CYFIP1: variants seen among roughly 807,000 people sequenced by gnomAD.
CYFIP1 encodes cytoplasmic FMR1 interacting protein 1, also known as cytoplasmic FMR1-interacting protein 1.
A neutral mutation model predicts 163.5 loss-of-function variants in CYFIP1; 58 were observed. That is an observed-to-expected ratio of 0.35 (90% confidence interval 0.29 to 0.44). CYFIP1 has a LOEUF of 0.44. Ranked by LOEUF, CYFIP1 falls within the 20% of genes least tolerant of loss-of-function variation. CYFIP1 has a pLI of 1.00. For missense variants in CYFIP1, 1,338 were observed against 1,653.8 expected (o/e 0.81, Z 3.31); for synonymous variants, 663 against 660.7 (o/e 1.00, Z -0.05).
chr15:22,917,126 G>A lies in CYFIP1; in HGVS notation c.1675-496C>T, dbSNP rs1281897172. ...GGACACGGGACGCACGCAGAGGGAG[G>A]CAGGGAGGGTGGCTGGCACCACGCA... On this transcript the variant is annotated intron_variant, in intron 15 of 30. Transcript: ENST00000617928. This position sits in a 1 kb window ranked among gnomAD's most constrained non-coding sequence, Gnocchi z 4.2. 19 of 1,446,110 alleles carry A rather than the reference G, an allele frequency of 1.3e-5. No individual in the cohort carries two copies. The highest frequency in any genetic ancestry group is 1.7e-5 in the Non-Finnish European group (19 of 1,105,612). The allele number at this position is 1,446,110 out of a possible 1,614,324, so 89.6% of individuals were successfully genotyped here. A position where few individuals can be genotyped will look rare whatever the true frequency, so the allele number is the denominator to read the frequency against.
Position 22,881,850 on chromosome 15 carries a change from A to G in CYFIP1, c.2907T>C (p.Ser969=). The G allele has an allele frequency of 6.2e-7, 1 of 1,610,644 alleles. No homozygotes were observed. The highest frequency in any genetic ancestry group is 8.5e-7 in the Non-Finnish European group (1 of 1,179,892). ...ICRLPRHEYG[S]PGILEFFHHQ... is the part of the protein sequence containing the mutation. Reference sequence around the variant, plus strand: ...GCTCCACACGCCCGCACTCACCAGGAGAGCCGTACTCGTGCCGGGGCAGGC... The same window carrying G: ...GCTCCACACGCCCGCACTCACCAGGGGAGCCGTACTCGTGCCGGGGCAGGC... The change falls in exon 25 of 31, where the codon TCT becomes TCC. Residue 969 remains serine (S), a synonymous_variant. Transcript: ENST00000617928.
intron 1 of CYFIP1, among the ~76,000 whole-genome samples, chr15:22,969,354 A>AG (rs1567046602): frequency 6.6e-6 from 1 of 152,178 alleles, no homozygotes; most frequent in Admixed American, 6.5e-5. Context: ...ATAAAGTTGG[A>AG]GGGGGAGCGA....
At chr15:22,943,430 T>C in intron 5 of CYFIP1, 76 bp from the exon 6 acceptor site, 2 of 1,446,126 alleles carry the variant, frequency 1.4e-6, no homozygotes, top group Admixed American at 1.9e-5. Context: ...TTCAAGCACC[T>C]GCAGTCACTG....
At chr15:22,929,167 C>T (rs2061452045) in intron 11 of CYFIP1, among the ~76,000 whole-genome samples, 1 of 151,232 alleles carries the variant, frequency 6.6e-6, no homozygotes. Flanking sequence ...TTGCAGTGAG[C>T]CAAGATCCCG....
chr15:22,881,999 C>A lies in CYFIP1; in HGVS notation c.2821-63G>T. On this transcript the variant is annotated intron_variant, in intron 24 of 30. Transcript: ENST00000617928. ...ACTCCGCTCTGCTAACGCCTGTGGC[C>A]GGCGCATACCCTGAAACAAGTCTGT... 4 of 1,413,818 alleles carry A rather than the reference C, an allele frequency of 2.8e-6. No homozygotes were observed. The Admixed American group carries it at 7.1e-5, about 25-fold the overall frequency. The allele number at this position is 1,413,818 out of a possible 1,614,324, so 87.6% of individuals were successfully genotyped here. A position where few individuals can be genotyped will look rare whatever the true frequency, so the allele number is the denominator to read the frequency against.
intron 1 of CYFIP1, among the ~76,000 whole-genome samples, chr15:22,958,402 C>T (rs1221576349): frequency 1.3e-5 from 2 of 152,176 alleles, no homozygotes; most frequent in African/African-American, 4.8e-5. Context: ...ACAAAAACTT[C>T]AAATTCCATC....
At position 22,944,600 on chromosome 15, in the gene CYFIP1, C is replaced by T. The variant is rs745452225; in HGVS notation, c.345G>A (p.Leu115=). 1 of 1,613,800 alleles carries T rather than the reference C, an allele frequency of 6.2e-7. No homozygotes were observed. Among genetic ancestry groups the T allele is most frequent in the Admixed American group, 1.7e-5 (1 of 59,984 alleles). ...TCATCAGTTTTGTGACCTCAGGCTC[C>T]AGAACCTCCACGGTTTTCTCGTAGA... ...VEIYEKTVEV[L]EPEVTKLMNF... is the part of the protein sequence containing the mutation. Residue 115 remains leucine (L), a synonymous_variant, in exon 5 of 31, where the codon CTG becomes CTA. Coordinates refer to ENST00000617928, the MANE Select transcript of CYFIP1 (RefSeq NM_014608.6).
At chr15:22,900,471 T>A (rs2060361519) in intron 22 of CYFIP1, among the ~76,000 whole-genome samples, 1 of 150,394 alleles carries the variant, frequency 6.6e-6, no homozygotes. Flanking sequence ...CAATCTCGGC[T>A]CACTGCAACC....
At chr15:22,954,378 C>T (rs1229809448) in intron 1 of CYFIP1, among the ~76,000 whole-genome samples, 1 of 152,220 alleles carries the variant, frequency 6.6e-6, no homozygotes, top group African/African-American at 2.4e-5. Flanking sequence ...CGGAGTCACC[C>T]AGGTGGGACG....
intron 30 of CYFIP1, among the ~76,000 whole-genome samples, chr15:22,872,085 G>T (rs2059447084): frequency 6.6e-6 from 1 of 152,088 alleles, no homozygotes; most frequent in Non-Finnish European, 1.5e-5. Context: ...TTCAAGATCA[G>T]CCTGGCCAAC....
intron 17 of CYFIP1, among the ~76,000 whole-genome samples, chr15:22,913,035 AAC>A (rs1301590636): frequency 6.6e-6 from 1 of 151,970 alleles, no homozygotes; most frequent in Non-Finnish European, 1.5e-5. Context: ...GTCTCCATGA[AAC>A]ACAAAACAAT....
intron 13 of CYFIP1, among the ~76,000 whole-genome samples, chr15:22,924,766 T>C (rs1487859855): frequency 1.3e-5 from 2 of 152,136 alleles, no homozygotes; most frequent in Non-Finnish European, 2.9e-5. Flanking sequence ...TGAAAAACCT[T>C]ATGTCAAAAA....
chr15:22,891,264 A>C (rs2060074316), intron 23 of CYFIP1, among the ~76,000 whole-genome samples: 1 of 152,050 alleles, frequency 6.6e-6, no homozygotes, highest in Non-Finnish European at 1.5e-5. Flanking sequence ...GTCTCTACCA[A>C]AAATACAAAA....
chr15:22,882,298 G>A (rs886952163), intron 24 of CYFIP1, among the ~76,000 whole-genome samples: 4 of 152,188 alleles, frequency 2.6e-5, no homozygotes, highest in Admixed American at 6.5e-5. Context: ...CCTGGGTGCG[G>A]CCCCAGGCTC....
At chr15:22,975,527 G>A (rs1002863731) in intron 1 of CYFIP1, among the ~76,000 whole-genome samples, 3 of 151,602 alleles carry the variant, frequency 2.0e-5, no homozygotes, top group Non-Finnish European at 4.4e-5. Flanking sequence ...GGCAGAGGCA[G>A]AGGCGGGCAG....
intron 21 of CYFIP1, among the ~76,000 whole-genome samples, chr15:22,908,460 G>A (rs1473887462): frequency 1.3e-5 from 2 of 151,188 alleles, no homozygotes; most frequent in Admixed American, 1.3e-4. Flanking sequence ...AAATGTAGGG[G>A]TAGAAGAATT....
At chr15:22,882,838 G>C in intron 24 of CYFIP1, 30 bp downstream of exon 24, 1 of 1,598,950 alleles carries the variant, frequency 6.3e-7, no homozygotes, top group South Asian at 1.1e-5. Flanking sequence ...TCCAGGCTGT[G>C]TGAAAGAAGC....
chr15:22,966,222 C>G (rs868611242), intron 1 of CYFIP1, among the ~76,000 whole-genome samples: 1 of 151,680 alleles, frequency 6.6e-6, no homozygotes. Context: ...GGCGTGGTGG[C>G]GTGGGCCTGT....
chr15:22,905,756 T>G (rs11852300), intron 21 of CYFIP1, among the ~76,000 whole-genome samples: 1 of 47,800 alleles, frequency 2.1e-5, no homozygotes, highest in African/African-American at 5.2e-5. Context: ...CTTATTTCTG[T>G]TTTTTTTTTT....
Sources: allele counts gnomAD v4.1 joint callset (sites outside exome capture counted in the v4.1 genomes callset), GRCh38; gene constraint gnomAD v4.1.1; non-coding constraint Gnocchi (gnomAD v3.1); transcripts MANE v1.5; gene names NCBI Gene and HGNC (gene_info 2026-07-23, HGNC 2026-07-21).